XKR4: variants seen among roughly 807,000 people sequenced by gnomAD.
XKR4 encodes XK related 4, also known as XK-related protein 4.
In XKR4, 12 loss-of-function variants were observed where a neutral mutation model predicts 53.9. The ratio of observed to expected loss-of-function variants is 0.22; its 90% CI spans 0.14 to 0.36. The LOEUF (loss-of-function observed/expected upper bound fraction) is 0.36, where lower values mean the gene tolerates loss of function less well. XKR4 is among the 10% of genes least tolerant of loss of function. The pLI, the probability that XKR4 is intolerant of heterozygous loss-of-function variation, is 1.00. For synonymous variants in XKR4, 354 were observed against 362.4 expected (o/e 0.98, Z 0.26); for missense variants, 799 against 859.5 (o/e 0.93, Z 0.88).
At chr8:55,191,481 A>T (rs753846806) in intron 1 of XKR4, among the ~76,000 whole-genome samples, 2 of 152,148 alleles carry the variant, frequency 1.3e-5, no homozygotes, top group Non-Finnish European at 2.9e-5. Flanking sequence ...CTTTTACTAA[A>T]GATCATGATC....
chr8:55,367,973 TTTTTTGAGACAGAGTCTCAC>T (rs1804017300), intron 2 of XKR4, among the ~76,000 whole-genome samples: 1 of 152,124 alleles, frequency 6.6e-6, no homozygotes, highest in Non-Finnish European at 1.5e-5. Flanking sequence ...TGTTTTTTGT[TTTTTTGAGACAGAGTCTCAC>T]TTTGTCACCC....
chr8:55,211,958 T>G (rs1270395278), intron 1 of XKR4, among the ~76,000 whole-genome samples: 1 of 152,116 alleles, frequency 6.6e-6, no homozygotes, highest in Admixed American at 6.5e-5. Context: ...ACATGTAAGA[T>G]GTGCATGGGT....
intron 2 of XKR4, chr8:55,453,138 C>G: frequency 1.9e-6 from 1 of 526,264 alleles, no homozygotes; most frequent in South Asian, 1.5e-5. Flanking sequence ...ACACGGCCTC[C>G]CAGAACTGTG....
chr8:55,143,546 T>G (rs951938239), intron 1 of XKR4, among the ~76,000 whole-genome samples: 1 of 152,200 alleles, frequency 6.6e-6, no homozygotes, highest in Non-Finnish European at 1.5e-5. Context: ...ATAACTACAT[T>G]TTTTCTACTT....
intron 2 of XKR4, among the ~76,000 whole-genome samples, chr8:55,482,274 T>C (rs1377349147): frequency 6.6e-6 from 1 of 152,094 alleles, no homozygotes; most frequent in Non-Finnish European, 1.5e-5. Context: ...GAAACCATCA[T>C]TCTCAGCAAA....
intron 2 of XKR4, among the ~76,000 whole-genome samples, chr8:55,402,249 C>G (rs1371294890): frequency 6.6e-6 from 1 of 152,230 alleles, no homozygotes; most frequent in East Asian, 1.9e-4. Flanking sequence ...AGGGTACCTG[C>G]CCCTGCGTGG....
At chr8:55,502,331 C>T (rs1806457267) in intron 2 of XKR4, among the ~76,000 whole-genome samples, 2 of 152,128 alleles carry the variant, frequency 1.3e-5, no homozygotes, top group Non-Finnish European at 1.5e-5. Context: ...TTAACATTCC[C>T]ACCAACAGTA....
chr8:55,455,182 G>A (rs576970579), intron 2 of XKR4: 2 of 501,450 alleles, frequency 4.0e-6, no homozygotes, highest in East Asian at 4.3e-5. Flanking sequence ...GGGACTCGAG[G>A]GCTGCGCGCT....
At chr8:55,455,204 C>A (rs1805546957) in intron 2 of XKR4, 2 of 447,948 alleles carry the variant, frequency 4.5e-6, no homozygotes, top group Admixed American at 3.0e-5. Flanking sequence ...ATGGCCCGGG[C>A]CTGGCCCTGG....
rs948436235 is a variant in XKR4, at chr8:55,528,096, T to C, written c.*3869T>C. The C allele has an allele frequency of 5.9e-5, 9 of 152,256 alleles. No homozygotes were observed. Among genetic ancestry groups the C allele is most frequent in the African/African-American group, 2.2e-4 (9 of 41,478 alleles). The allele number at this position is 152,256 out of a possible 1,614,324, so 9.4% of individuals were successfully genotyped here. On this transcript the variant is annotated 3_prime_UTR_variant, in exon 3 of 3. Coordinates refer to ENST00000327381, the MANE Select transcript of XKR4 (RefSeq NM_052898.2). ...TGAATGTATATAAAGTGGTATGTTA[T>C]GCATATAAATTGTACATAAACTTTT... is the stretch of plus-strand genomic sequence containing the variant.
At position 55,530,791 on chromosome 8, in the gene XKR4, T is replaced by C. The variant is rs913669642; in HGVS notation, c.*6564T>C. ...ATCTAAGTATTGCTTTATCACTTTA[T>C]TTTATAGATGAGACAACTGAGATCC... On this transcript the variant is annotated 3_prime_UTR_variant, in exon 3 of 3. Coordinates refer to ENST00000327381, the MANE Select transcript of XKR4 (RefSeq NM_052898.2). 3 of 152,244 alleles carry C rather than the reference T, an allele frequency of 2.0e-5. No homozygotes were observed. Among genetic ancestry groups the C allele is most frequent in the African/African-American group, 7.2e-5 (3 of 41,466 alleles). The allele number at this position is 152,244 out of a possible 1,614,324, so 9.4% of individuals were successfully genotyped here. A position where few individuals can be genotyped will look rare whatever the true frequency, so the allele number is the denominator to read the frequency against.
intron 2 of XKR4, among the ~76,000 whole-genome samples, chr8:55,364,444 C>T (rs1303332159): frequency 6.6e-6 from 1 of 152,158 alleles, no homozygotes; most frequent in Non-Finnish European, 1.5e-5. Context: ...GCGTGTTCTC[C>T]CCGATGCCCC....
intron 2 of XKR4, among the ~76,000 whole-genome samples, chr8:55,365,063 T>A (rs1405922210): frequency 6.6e-6 from 1 of 152,222 alleles, no homozygotes; most frequent in Non-Finnish European, 1.5e-5. Context: ...TCTATGAAAT[T>A]TATGTTGACA....
chr8:55,187,366 A>G (rs1026146706), intron 1 of XKR4, among the ~76,000 whole-genome samples: 2 of 151,980 alleles, frequency 1.3e-5, no homozygotes, highest in African/African-American at 4.8e-5. Context: ...CAATTAAGGA[A>G]ATATAGTGAA....
chr8:55,327,444 A>C (rs1334843188), intron 1 of XKR4, among the ~76,000 whole-genome samples: 1 of 152,128 alleles, frequency 6.6e-6, no homozygotes, highest in East Asian at 1.9e-4. Context: ...TAAAGTACAC[A>C]AACTACTCAA....
chr8:55,503,371 T>G (rs557273542), intron 2 of XKR4, among the ~76,000 whole-genome samples: 1 of 152,146 alleles, frequency 6.6e-6, no homozygotes, highest in Non-Finnish European at 1.5e-5. Flanking sequence ...TAGCAACATT[T>G]TGTAGTTTTC....
intron 1 of XKR4, among the ~76,000 whole-genome samples, chr8:55,289,956 A>T (rs1187076272): frequency 6.6e-6 from 1 of 152,040 alleles, no homozygotes; most frequent in African/African-American, 2.4e-5. Context: ...ATTCCCGCTT[A>T]TAATGTATGA....
chr8:55,488,662 G>GACAAGGATGAATAGAT (rs1490686629), intron 2 of XKR4, among the ~76,000 whole-genome samples: 2 of 63,354 alleles, frequency 3.2e-5, no homozygotes, highest in South Asian at 4.4e-4. Context: ...AATGGTGGCC[G>GACAAGGATGAATAGAT]GGCGCGGTGG....
chr8:55,265,608 A>G (rs1369039225), intron 1 of XKR4, among the ~76,000 whole-genome samples: 2 of 152,064 alleles, frequency 1.3e-5, no homozygotes, highest in African/African-American at 4.8e-5. Context: ...AATCCCAGCA[A>G]TTTGGGAGGC....
Sources: gnomAD v4.1 joint callset for allele counts (sites outside exome capture counted in the v4.1 genomes callset) on GRCh38, gnomAD v4.1.1 for gene constraint, MANE v1.5 for transcripts, NCBI Gene and HGNC (gene_info 2026-07-23, HGNC 2026-07-21) for gene names.